The following RPL22 variants were observed in gnomAD, a reference collection of about 807,000 sequenced individuals.
RPL22 encodes the protein large ribosomal subunit protein eL22.
RPL22 carries 4 observed loss-of-function variants against 16.2 expected under a neutral mutation model. That is an observed-to-expected ratio of 0.25 (90% CI 0.12 to 0.57). The LOEUF (loss-of-function observed/expected upper bound fraction) is 0.57. RPL22 is among the 20% of genes least tolerant of loss of function. RPL22 has a pLI of 0.92. For synonymous variants in RPL22, 43 were observed against 54.8 expected (o/e 0.78, Z 0.95); for missense variants, 83 against 156.1 (o/e 0.53, Z 2.49).
intron 2 of RPL22, among the ~76,000 whole-genome samples, chr1:6,195,541 G>T (rs965432206): frequency 6.6e-6 from 1 of 151,854 alleles, no homozygotes; most frequent in African/African-American, 2.4e-5. Flanking sequence ...CCTGAGGTCA[G>T]GAGTTCAAGA....
chr1:6,195,156 A>G (rs1667699548), intron 2 of RPL22, among the ~76,000 whole-genome samples: 1 of 150,308 alleles, frequency 6.7e-6, no homozygotes, highest in Admixed American at 6.6e-5. Flanking sequence ...AAATAAATAA[A>G]AATTTGGGGC....
chr1:6,190,084 A>G (rs570878351), intron 3 of RPL22, among the ~76,000 whole-genome samples: 82 of 152,360 alleles, frequency 5.4e-4, no homozygotes, highest in Non-Finnish European at 1.1e-3. Flanking sequence ...TAAAGAACAG[A>G]AAGTTTGTGA....
Position 6,197,757 on chromosome 1 carries a change from C to T in RPL22, c.13-1G>A. 6.2e-7 allele frequency: 1 copy of T among 1,602,784 alleles called. No homozygotes were observed. ...TGCCCCCCTTCACCACAAGCTTTTT[C>T]TAAGAAAATACACAAATGATAACAG... On this transcript the variant is annotated splice_acceptor_variant, in intron 1 of 3. Transcript: ENST00000234875. LOFTEE classifies it high-confidence loss of function.
chr1:6,193,227 C>T (rs1372290670), intron 2 of RPL22, among the ~76,000 whole-genome samples, 173 bp from the exon 3 acceptor site: 3 of 152,118 alleles, frequency 2.0e-5, no homozygotes, highest in Non-Finnish European at 4.4e-5. Context: ...GCTCAAGTCT[C>T]GACCTCCCAG....
chr1:6,191,359 CAAAAAAAAAAAA>C (rs769446432), intron 3 of RPL22, among the ~76,000 whole-genome samples: 1 of 32,422 alleles, frequency 3.1e-5, no homozygotes, highest in Middle Eastern at 0.023. Context: ...GACTCCGTCT[CAAAAAAAAAAAA>C]AAAAAAAAAA....
At chr1:6,196,658 C>G (rs978872050) in intron 2 of RPL22, among the ~76,000 whole-genome samples, 5 of 151,950 alleles carry the variant, frequency 3.3e-5, no homozygotes, top group Admixed American at 2.0e-4. Flanking sequence ...AATGTCAAAA[C>G]CAAACTGCTG....
At chr1:6,196,414 C>G (rs922835149) in intron 2 of RPL22, among the ~76,000 whole-genome samples, 4 of 152,182 alleles carry the variant, frequency 2.6e-5, no homozygotes, top group Non-Finnish European at 4.4e-5. Flanking sequence ...GACACAGATG[C>G]AAACAGCATC....
At chr1:6,199,207 A>G in intron 1 of RPL22, 1 of 290,830 alleles carries the variant, frequency 3.4e-6, no homozygotes, top group Non-Finnish European at 6.2e-6. Context: ...CCAGGGTAGC[A>G]GGTCCCGTTC....
intron 1 of RPL22, 23 bp from the exon 2 acceptor site, chr1:6,197,779 A>C: frequency 6.7e-7 from 1 of 1,493,324 alleles, no homozygotes; most frequent in Non-Finnish European, 9.3e-7. Flanking sequence ...ACAAATGATA[A>C]CAGAGATGAA....
chr1:6,187,518 G>T (rs1667597333), intron 3 of RPL22, among the ~76,000 whole-genome samples: 1 of 149,812 alleles, frequency 6.7e-6, no homozygotes, highest in Non-Finnish European at 1.5e-5. Context: ...GGAGGCTGAG[G>T]TAAGAGAATC....
intron 1 of RPL22, chr1:6,198,461 C>T (rs1667749222): frequency 6.6e-6 from 1 of 152,306 alleles, no homozygotes; most frequent in South Asian, 2.1e-4. Flanking sequence ...CCAGTTTCTT[C>T]ACTCTTACGA....
At chr1:6,193,774 C>T (rs538529442) in intron 2 of RPL22, among the ~76,000 whole-genome samples, 1 of 152,204 alleles carries the variant, frequency 6.6e-6, no homozygotes, top group African/African-American at 2.4e-5. Flanking sequence ...CTTAAATGTT[C>T]AGTCTTTTTT....
intron 3 of RPL22, among the ~76,000 whole-genome samples, chr1:6,189,612 T>TAAAATAAAAAA (rs1553145649): frequency 6.8e-4 from 86 of 125,792 alleles, no homozygotes; most frequent in African/African-American, 2.4e-3. Context: ...AAAATCAGGT[T>TAAAATAAAAAA]AAAAAAAAAA....
In RPL22 at chr1:6,186,142, T is replaced by G. The variant is rs1667579290; in HGVS notation, c.*530A>C. ...ACTGAAGGAGCACAGTTTCTCTCTC[T>G]AGGAAGAAGAGGATTAGCAGACATA... is the stretch of plus-strand genomic sequence containing the variant. On this transcript the variant is annotated 3_prime_UTR_variant, in exon 4 of 4. Coordinates refer to ENST00000234875, the MANE Select transcript of RPL22 (RefSeq NM_000983.4). The G allele has an allele frequency of 4.3e-6, 1 of 233,222 alleles. No homozygotes were observed. Among genetic ancestry groups the G allele is most frequent in the South Asian group, 1.8e-4 (1 of 5,594 alleles). 14.4% of individuals were successfully genotyped at this position (233,222 alleles called of 1,614,324 possible).
rs1342221987 is a variant in RPL22 at position 6,185,186 on chromosome 1, C to T, written c.*1486G>A. 1.3e-5 allele frequency: 5 copies of T among 396,762 alleles called. No homozygotes were observed. Among genetic ancestry groups the T allele is most frequent in the Non-Finnish European group, 1.3e-5 (3 of 225,404 alleles). 24.6% of individuals were successfully genotyped at this position (396,762 alleles called of 1,614,324 possible). On this transcript the variant is annotated 3_prime_UTR_variant, in exon 4 of 4. Coordinates refer to ENST00000234875, the MANE Select transcript of RPL22 (RefSeq NM_000983.4). ...CTTTTAACTGAAATGCCAACTTCAG[C>T]CCAGGGTTTTTTCACAACCAAACTA...
intron 1 of RPL22, chr1:6,198,751 G>GAA (rs1296848660): frequency 6.6e-6 from 1 of 152,042 alleles, no homozygotes; most frequent in African/African-American, 2.4e-5. Flanking sequence ...GATCTATTCC[G>GAA]AACACACACA....
At chr1:6,195,921 G>A (rs1667710150) in intron 2 of RPL22, among the ~76,000 whole-genome samples, 2 of 151,908 alleles carry the variant, frequency 1.3e-5, no homozygotes, top group Admixed American at 6.6e-5. Context: ...AAATTAGCCA[G>A]GCGTGGTGGC....
intron 1 of RPL22, chr1:6,198,703 C>T (rs1292103315): frequency 6.6e-6 from 1 of 152,194 alleles, no homozygotes; most frequent in Non-Finnish European, 1.5e-5. Flanking sequence ...TTTTTTACAA[C>T]GTCTCTTCGC....
At chr1:6,189,438 G>A (rs543080504) in intron 3 of RPL22, among the ~76,000 whole-genome samples, 3 of 152,018 alleles carry the variant, frequency 2.0e-5, no homozygotes, top group African/African-American at 4.8e-5. Flanking sequence ...TGGGGCACTC[G>A]TGTAGTCCCA....
Sources: gnomAD v4.1 joint callset for allele counts (sites outside exome capture counted in the v4.1 genomes callset) on GRCh38, gnomAD v4.1.1 for gene constraint, MANE v1.5 for transcripts, NCBI Gene and HGNC (gene_info 2026-07-23, HGNC 2026-07-21) for gene names.